The following CALN1 variants were observed in gnomAD, a reference collection of about 807,000 sequenced individuals.
CALN1 encodes calcium-binding protein 8.
In CALN1, 17 loss-of-function variants were observed where a neutral mutation model predicts 30.6. That is an observed-to-expected ratio of 0.56 (90% CI 0.38 to 0.83). The LOEUF (loss-of-function observed/expected upper bound fraction) is 0.83. Among genes scored for constraint, CALN1 ranks in the 40% least tolerant of loss-of-function variants. CALN1 has a pLI of 0.00. For missense variants in CALN1, 291 were observed against 354.9 expected (o/e 0.82, Z 1.45); for synonymous variants, 156 against 131.4 (o/e 1.19, Z -1.28).
chr7:72,012,634 G>GGA (rs1800148059), intron 5 of CALN1, among the ~76,000 whole-genome samples: 1 of 152,222 alleles, frequency 6.6e-6, no homozygotes, highest in Admixed American at 6.5e-5. Context: ...GCTGGTATGT[G>GGA]GAGAGCAGCA....
chr7:72,028,953 T>C (rs1339931950), intron 4 of CALN1, among the ~76,000 whole-genome samples: 1 of 152,104 alleles, frequency 6.6e-6, no homozygotes, highest in East Asian at 1.9e-4. Context: ...ATGATGCCAT[T>C]GGCCTCCAGC....
chr7:72,343,296 G>A (rs1422371481), intron 2 of CALN1, among the ~76,000 whole-genome samples: 1 of 152,136 alleles, frequency 6.6e-6, no homozygotes, highest in South Asian at 2.1e-4. Context: ...GGTGGCTCAC[G>A]CCTGTAATCC....
chr7:72,498,541 GA>G, the CALN1 span, among the ~76,000 whole-genome samples: 1 of 151,956 alleles, frequency 6.6e-6, no homozygotes, highest in East Asian at 1.9e-4. Context: ...AGTATAAAAA[GA>G]AAAAACTGTC....
At chr7:72,186,522 CA>C (rs1562706624) in intron 3 of CALN1, among the ~76,000 whole-genome samples, 1 of 152,160 alleles carries the variant, frequency 6.6e-6, no homozygotes, top group Non-Finnish European at 1.5e-5. Context: ...ACCCCTTACA[CA>C]AGCAGTGAAC....
Position 72,089,940 on chromosome 7 carries a change from A to G in CALN1, c.388+16211T>C, listed in dbSNP as rs145606709. Among the ~76,000 whole-genome samples the G allele has an allele frequency of 9.0e-3, 1,371 of 152,338 alleles. 26 individuals carry two copies. Among genetic ancestry groups the G allele is most frequent in the African/African-American group, 0.031 (1,291 of 41,578 alleles). On this transcript the variant is annotated intron_variant, in intron 4 of 6. Coordinates refer to ENST00000395275, the MANE Select transcript of CALN1 (RefSeq NM_031468.4). Reference sequence around the variant, plus strand: ...GTAGCATAGAGCCAGTACCTTCATGAAAGTTCATCTTATTCTTGGTTACAG... The same window carrying G: ...GTAGCATAGAGCCAGTACCTTCATGGAAGTTCATCTTATTCTTGGTTACAG...
At chr7:72,402,973 T>C (rs1211570151) in intron 2 of CALN1, among the ~76,000 whole-genome samples, 1 of 152,196 alleles carries the variant, frequency 6.6e-6, no homozygotes, top group Non-Finnish European at 1.5e-5. Context: ...CTCTGTAAGT[T>C]GTATTTGTCA....
intron 5 of CALN1, among the ~76,000 whole-genome samples, chr7:71,871,777 T>C (rs1313826212): frequency 6.6e-6 from 1 of 151,912 alleles, no homozygotes; most frequent in Non-Finnish European, 1.5e-5. Flanking sequence ...CACTCTTATG[T>C]TTTTTTTCAA....
chr7:72,315,122 C>G (rs1800350766), intron 2 of CALN1, among the ~76,000 whole-genome samples: 1 of 151,912 alleles, frequency 6.6e-6, no homozygotes, highest in African/African-American at 2.4e-5. Context: ...TGCACCCCAG[C>G]CTAGGTGACA....
intron 2 of CALN1, chr7:72,337,042 C>A (rs1802109705): frequency 5.1e-6 from 5 of 985,634 alleles, no homozygotes; most frequent in Non-Finnish European, 6.0e-6. Context: ...CTGCACCGCG[C>A]GCTCCTCTAC....
At chr7:72,364,477 T>C (rs1189549568) in intron 2 of CALN1, among the ~76,000 whole-genome samples, 5 of 152,310 alleles carry the variant, frequency 3.3e-5, no homozygotes, top group Non-Finnish European at 5.9e-5. Flanking sequence ...ATACCTCCCT[T>C]TGAAATGTAG....
chr7:72,393,193 C>T (rs1328148397), intron 2 of CALN1, among the ~76,000 whole-genome samples: 2 of 152,018 alleles, frequency 1.3e-5, no homozygotes, highest in South Asian at 2.1e-4. Flanking sequence ...TCCGGCTGGG[C>T]GCAGTGGCTC....
intron 3 of CALN1, among the ~76,000 whole-genome samples, chr7:72,246,753 A>ATTTTTTTTTTTT (rs58282615): frequency 6.9e-5 from 8 of 116,574 alleles, no homozygotes; most frequent in Non-Finnish European, 1.0e-4. Flanking sequence ...TACCAGAACA[A>ATTTTTTTTTTTT]TTTTTTTTTT....
At chr7:72,077,997 T>C (rs1187883494) in intron 4 of CALN1, among the ~76,000 whole-genome samples, 1 of 152,160 alleles carries the variant, frequency 6.6e-6, no homozygotes, top group Non-Finnish European at 1.5e-5. Flanking sequence ...AATGAAGTTG[T>C]GCTAGGCCCA....
intron 4 of CALN1, among the ~76,000 whole-genome samples, chr7:72,096,103 A>G (rs1454616572): frequency 1.3e-5 from 2 of 152,172 alleles, no homozygotes; most frequent in African/African-American, 4.8e-5. Context: ...AGATAGATAG[A>G]TAGATAGAAG....
chr7:72,480,214 T>C, the CALN1 span, among the ~76,000 whole-genome samples: 12 of 152,370 alleles, frequency 7.9e-5, no homozygotes, highest in Admixed American at 2.0e-4. Context: ...ATTGAGAACA[T>C]TACCTTCTAT....
upstream of CALN1, chr7:72,412,374 A>T (rs1807246426): frequency 1.3e-5 from 2 of 152,064 alleles, no homozygotes; most frequent in Non-Finnish European, 2.9e-5. Flanking sequence ...TTATTCTCTT[A>T]TTCAGCCCTG....
At chr7:71,832,659 G>A (rs942588678) in intron 5 of CALN1, among the ~76,000 whole-genome samples, 6 of 152,106 alleles carry the variant, frequency 3.9e-5, no homozygotes, top group African/African-American at 1.4e-4. Flanking sequence ...GGAGTGCAGT[G>A]GCACAATCTT....
In CALN1 at chr7:72,162,640, G is replaced by A. The variant is rs977200820; in HGVS notation, c.245-56346C>T. On this transcript the variant is annotated intron_variant, in intron 3 of 6. Transcript: ENST00000395275. ...TGTAATCCTAGCTACTCAGGAGGCCGAGGCAAGAGAATCACTTGAGCCTGG... is the reference window on the plus strand; with the variant it reads ...TGTAATCCTAGCTACTCAGGAGGCCAAGGCAAGAGAATCACTTGAGCCTGG... 4.6e-5 allele frequency among the ~76,000 whole-genome samples: 7 copies of A among 152,084 alleles called. No individual in the cohort carries two copies. In the South Asian group the frequency reaches 6.2e-4, roughly 14 times the overall value.
At chr7:71,828,402 G>C (rs908924250) in intron 5 of CALN1, among the ~76,000 whole-genome samples, 1 of 152,032 alleles carries the variant, frequency 6.6e-6, no homozygotes, top group African/African-American at 2.4e-5. Context: ...GGCCTTTACA[G>C]GTGCAAAGAT....
Sources: gnomAD v4.1 joint callset for allele counts (sites outside exome capture counted in the v4.1 genomes callset) on GRCh38, gnomAD v4.1.1 for gene constraint, MANE v1.5 for transcripts, NCBI Gene and HGNC (gene_info 2026-07-23, HGNC 2026-07-21) for gene names.